Variants in PPP3CA observed in about 807,000 individuals in gnomAD.
PPP3CA encodes the protein protein phosphatase 3 catalytic subunit alpha.
A neutral mutation model predicts 66.5 loss-of-function variants in PPP3CA; 14 were observed. The observed-to-expected ratio is 0.21, with a 90% CI of 0.14 to 0.33. PPP3CA has a LOEUF of 0.33. PPP3CA is among the 10% of genes least tolerant of loss of function. The pLI is 1.00. For synonymous variants in PPP3CA, 232 were observed against 226.2 expected (o/e 1.03, Z -0.23); for missense variants, 317 against 639.5 (o/e 0.50, Z 5.44).
intron 1 of PPP3CA, among the ~76,000 whole-genome samples, chr4:101,238,101 G>A (rs1230654351): frequency 6.6e-6 from 1 of 151,878 alleles, no homozygotes; most frequent in Non-Finnish European, 1.5e-5. Flanking sequence ...AACAACAAAC[G>A]CTTGTAGAAT....
chr4:101,242,003 G>A lies in PPP3CA; in HGVS notation c.59-45887C>T, dbSNP rs1384930134. On this transcript the variant is annotated intron_variant, in intron 1 of 13. Coordinates refer to ENST00000394854, the MANE Select transcript of PPP3CA (RefSeq NM_000944.5). Reference sequence around the variant, plus strand: ...AATATTCTGGAACTATAAGATATCAGTTTTATGGCATCTTATCAATTACAT... The same window carrying A: ...AATATTCTGGAACTATAAGATATCAATTTTATGGCATCTTATCAATTACAT... Among the ~76,000 whole-genome samples the A allele has an allele frequency of 2.0e-5, 3 of 152,206 alleles. No homozygotes were observed. In the East Asian group the frequency reaches 5.8e-4, roughly 29 times the overall value.
intron 1 of PPP3CA, among the ~76,000 whole-genome samples, chr4:101,334,138 C>CT (rs796447504): frequency 9.3e-4 from 135 of 145,256 alleles, no homozygotes; most frequent in Middle Eastern, 3.6e-3. Context: ...CCAAGTGACA[C>CT]TTTTTTTTTT....
At chr4:101,138,772 A>ACAATGTATACTGAT (rs1228300663) in intron 2 of PPP3CA, among the ~76,000 whole-genome samples, 1 of 152,214 alleles carries the variant, frequency 6.6e-6, no homozygotes, top group East Asian at 1.9e-4. Context: ...ATACTGATAT[A>ACAATGTATACTGAT]ATACATGAGT....
At chr4:101,287,329 A>T (rs1031452163) in intron 1 of PPP3CA, among the ~76,000 whole-genome samples, 12 of 152,374 alleles carry the variant, frequency 7.9e-5, no homozygotes, top group Non-Finnish European at 1.3e-4. Context: ...CAACTTAAAA[A>T]GTCACATTCA....
intron 2 of PPP3CA, among the ~76,000 whole-genome samples, chr4:101,162,710 A>G (rs1723558391): frequency 6.6e-6 from 1 of 152,108 alleles, no homozygotes; most frequent in Non-Finnish European, 1.5e-5. Flanking sequence ...ACACATATGC[A>G]TGCACGCTAA....
At chr4:101,054,536 A>C (rs1326017971) in intron 10 of PPP3CA, among the ~76,000 whole-genome samples, 1 of 151,708 alleles carries the variant, frequency 6.6e-6, no homozygotes, top group Non-Finnish European at 1.5e-5. Context: ...GTTTTGGTAG[A>C]AAATAATATA....
At chr4:101,338,400 A>G (rs1395061723) in intron 1 of PPP3CA, among the ~76,000 whole-genome samples, 5 of 152,260 alleles carry the variant, frequency 3.3e-5, no homozygotes, top group Non-Finnish European at 7.3e-5. Context: ...ACAAAATTTC[A>G]AAACATAAAG....
At chr4:101,075,976 T>C (rs1358355621) in intron 8 of PPP3CA, among the ~76,000 whole-genome samples, 1 of 152,202 alleles carries the variant, frequency 6.6e-6, no homozygotes, top group Admixed American at 6.5e-5. Context: ...TAGTAAGTTC[T>C]CAATAAAGGT....
chr4:101,275,951 C>A (rs1727482947), intron 1 of PPP3CA, among the ~76,000 whole-genome samples: 1 of 150,808 alleles, frequency 6.6e-6, no homozygotes, highest in African/African-American at 2.4e-5. Context: ...GACTGGAGTG[C>A]TGTGGAAATC....
At chr4:101,302,752 A>G (rs1728419960) in intron 1 of PPP3CA, among the ~76,000 whole-genome samples, 1 of 152,214 alleles carries the variant, frequency 6.6e-6, no homozygotes, top group Admixed American at 6.5e-5. Flanking sequence ...GAAAGGGAGA[A>G]ACTGAGTCCC....
chr4:101,165,034 G>A (rs1723647525), intron 2 of PPP3CA, among the ~76,000 whole-genome samples: 1 of 151,980 alleles, frequency 6.6e-6, no homozygotes, highest in South Asian at 2.1e-4. Context: ...TTGTTCAGTA[G>A]TCTATCCAGT....
chr4:101,215,166 T>C (rs906852347), intron 1 of PPP3CA, among the ~76,000 whole-genome samples: 4 of 151,718 alleles, frequency 2.6e-5, no homozygotes, highest in African/African-American at 9.7e-5. Context: ...TTATAATTAA[T>C]ATAAATAATA....
At chr4:101,220,502 G>C (rs892334807) in intron 1 of PPP3CA, among the ~76,000 whole-genome samples, 1 of 151,642 alleles carries the variant, frequency 6.6e-6, no homozygotes, top group Non-Finnish European at 1.5e-5. Flanking sequence ...ATCTCAGCTA[G>C]AGATAAATGG....
chr4:101,310,570 G>C (rs772797290), intron 1 of PPP3CA, among the ~76,000 whole-genome samples: 4 of 152,258 alleles, frequency 2.6e-5, no homozygotes, highest in Admixed American at 2.6e-4. Context: ...CTACTCAAGA[G>C]GCTGAGGTGG....
intron 1 of PPP3CA, among the ~76,000 whole-genome samples, chr4:101,323,033 T>C (rs1263626681): frequency 6.6e-6 from 1 of 152,182 alleles, no homozygotes; most frequent in Non-Finnish European, 1.5e-5. Context: ...AGAGCATGTA[T>C]TTCTCATTAG....
At chr4:101,029,569 C>T (rs1309458351) in intron 12 of PPP3CA, among the ~76,000 whole-genome samples, 1 of 151,814 alleles carries the variant, frequency 6.6e-6, no homozygotes, top group Non-Finnish European at 1.5e-5. Context: ...ACACAGAATA[C>T]TATATAACCT....
At chr4:101,258,532 T>C (rs1726915166) in intron 1 of PPP3CA, among the ~76,000 whole-genome samples, 1 of 152,160 alleles carries the variant, frequency 6.6e-6, no homozygotes, top group East Asian at 1.9e-4. Flanking sequence ...AGCTAATCAA[T>C]GATCTCTGCT....
chr4:101,345,718 T>C (rs1352767881), intron 1 of PPP3CA, among the ~76,000 whole-genome samples: 1 of 152,226 alleles, frequency 6.6e-6, no homozygotes, highest in Non-Finnish European at 1.5e-5. Flanking sequence ...AACCACAGCC[T>C]GTCCCCTTCC....
At chr4:101,302,756 G>A (rs1234903817) in intron 1 of PPP3CA, among the ~76,000 whole-genome samples, 1 of 152,178 alleles carries the variant, frequency 6.6e-6, no homozygotes, top group East Asian at 1.9e-4. Flanking sequence ...GGGAGAAACT[G>A]AGTCCCAGAA....
Sources: gnomAD v4.1 joint callset for allele counts (sites outside exome capture counted in the v4.1 genomes callset) on GRCh38, gnomAD v4.1.1 for gene constraint, MANE v1.5 for transcripts, NCBI Gene and HGNC (gene_info 2026-07-23, HGNC 2026-07-21) for gene names.